The following DISC1 variants were observed in gnomAD, a reference collection of about 807,000 sequenced individuals.
DISC1 encodes DISC1 scaffold protein, also known as disrupted in schizophrenia 1 protein.
Under a neutral mutation model 84.5 loss-of-function variants are expected in DISC1, and 57 were observed. That is an observed-to-expected ratio of 0.67 (90% CI 0.55 to 0.84). DISC1 has a LOEUF of 0.84. DISC1 is among the 40% of genes least tolerant of loss of function. The pLI is 0.00. For synonymous variants in DISC1, 411 were observed against 415.2 expected (o/e 0.99, Z 0.12); for missense variants, 1,000 against 1,057.8 (o/e 0.95, Z 0.76).
intron 9 of DISC1, among the ~76,000 whole-genome samples, chr1:231,899,960 A>AC (rs1465423528): frequency 6.6e-6 from 1 of 152,196 alleles, no homozygotes; most frequent in African/African-American, 2.4e-5. Context: ...GAGACTATAT[A>AC]AGTGATTTCA....
intron 9 of DISC1, among the ~76,000 whole-genome samples, chr1:231,916,940 T>C (rs1031214260): frequency 2.0e-5 from 3 of 152,330 alleles, no homozygotes; most frequent in Non-Finnish European, 4.4e-5. Flanking sequence ...TCTCCAGTTA[T>C]AAACTCTGTT....
At chr1:231,987,475 A>G (rs566840526) in intron 10 of DISC1, among the ~76,000 whole-genome samples, 2 of 152,264 alleles carry the variant, frequency 1.3e-5, no homozygotes, top group African/African-American at 2.4e-5. Flanking sequence ...GATCTTTTAT[A>G]TGCATAAATA....
In DISC1 at chr1:231,727,622, A is replaced by G. The variant is rs555916692; in HGVS notation, c.1118-22304A>G. 6.6e-5 allele frequency among the ~76,000 whole-genome samples: 10 copies of G among 152,286 alleles called. No individual in the cohort carries two copies. The South Asian group carries it at 1.9e-3, about 28-fold the overall frequency. On this transcript the variant is annotated intron_variant, in intron 3 of 12. Coordinates refer to ENST00000439617, the MANE Select transcript of DISC1 (RefSeq NM_018662.3). ...TCTGAATCAAGAAGCAATTAAACCC[A>G]TGACAGCAATCTCTTGGAATCATTT...
At chr1:231,950,747 G>A (rs1263096875) in intron 9 of DISC1, among the ~76,000 whole-genome samples, 2 of 152,176 alleles carry the variant, frequency 1.3e-5, no homozygotes, top group Admixed American at 1.3e-4. Context: ...GGCACAGCAG[G>A]TAAAATCGGT....
chr1:231,665,533 C>G (rs751120359), intron 1 of DISC1, among the ~76,000 whole-genome samples: 1 of 152,340 alleles, frequency 6.6e-6, no homozygotes, highest in East Asian at 1.9e-4. Context: ...TGTAAACTTA[C>G]AATATCAATA....
chr1:231,644,988 A>G (rs1214920209), intron 1 of DISC1, among the ~76,000 whole-genome samples: 1 of 152,050 alleles, frequency 6.6e-6, no homozygotes, highest in Non-Finnish European at 1.5e-5. Context: ...GCCTTTAAAT[A>G]GATTTTCAGC....
chr1:232,003,820 A>G (rs1667009690), intron 10 of DISC1, among the ~76,000 whole-genome samples: 1 of 152,154 alleles, frequency 6.6e-6, no homozygotes, highest in Admixed American at 6.5e-5. Flanking sequence ...ATATCACTAT[A>G]CAGCCCTTGA....
intron 8 of DISC1, 25 bp downstream of exon 8, chr1:231,800,235 G>A: frequency 1.3e-6 from 2 of 1,559,592 alleles, no homozygotes; most frequent in Non-Finnish European, 1.8e-6. Flanking sequence ...AGGAGACGTT[G>A]AAGCTATCCA....
intron 9 of DISC1, among the ~76,000 whole-genome samples, chr1:231,913,779 A>C (rs1388061642): frequency 1.3e-5 from 2 of 152,196 alleles, no homozygotes; most frequent in African/African-American, 4.8e-5. Context: ...TCCGGGTTGC[A>C]GTAGGTGACC....
chr1:231,676,993 C>G (rs192522288), intron 1 of DISC1, among the ~76,000 whole-genome samples: 1 of 152,292 alleles, frequency 6.6e-6, no homozygotes, highest in East Asian at 1.9e-4. Flanking sequence ...CACTTTTCCC[C>G]TTAACCTCTT....
At chr1:231,838,300 C>T (rs1455883625) in intron 9 of DISC1, among the ~76,000 whole-genome samples, 1 of 152,226 alleles carries the variant, frequency 6.6e-6, no homozygotes, top group Non-Finnish European at 1.5e-5. Context: ...AAGCACCCAT[C>T]TATCTGGAAT....
At chr1:231,788,799 G>T (rs1428133813) in intron 6 of DISC1, among the ~76,000 whole-genome samples, 1 of 152,144 alleles carries the variant, frequency 6.6e-6, no homozygotes, top group African/African-American at 2.4e-5. Flanking sequence ...TCCTGAGGGG[G>T]CAGTGGTGGG....
At chr1:231,917,737 G>A (rs2089738161) in intron 9 of DISC1, among the ~76,000 whole-genome samples, 2 of 152,166 alleles carry the variant, frequency 1.3e-5, no homozygotes, top group South Asian at 4.1e-4. Flanking sequence ...GCCCCTCACT[G>A]TTCTTCCCCG....
chr1:232,040,919 T>C lies in DISC1; in HGVS notation c.*4088T>C, dbSNP rs1670758143. 1 of 152,206 alleles carries C rather than the reference T, an allele frequency of 6.6e-6. No individual in the cohort carries two copies. Among genetic ancestry groups the C allele is most frequent in the Non-Finnish European group, 1.5e-5 (1 of 68,042 alleles). 9.4% of individuals were successfully genotyped at this position (152,206 alleles called of 1,614,324 possible). On this transcript the variant is annotated 3_prime_UTR_variant, in exon 13 of 13. Transcript: ENST00000439617. ...TTCTTGAAGATCCTCATCCAATTGG[T>C]GTTTTTCAGAAGTGTTCCAATATTA...
At chr1:231,783,119 G>A (rs2077559753) in intron 6 of DISC1, among the ~76,000 whole-genome samples, 2 of 152,106 alleles carry the variant, frequency 1.3e-5, no homozygotes, top group Non-Finnish European at 2.9e-5. Context: ...CCTGGATGTA[G>A]TATCATTTTC....
chr1:231,976,551 G>C (rs992766967), intron 10 of DISC1, among the ~76,000 whole-genome samples: 2 of 152,164 alleles, frequency 1.3e-5, no homozygotes, highest in Non-Finnish European at 2.9e-5. Flanking sequence ...AACAAACAAG[G>C]AGCATAGACA....
At chr1:232,028,682 G>A (rs539644553) in intron 12 of DISC1, among the ~76,000 whole-genome samples, 1 of 152,250 alleles carries the variant, frequency 6.6e-6, no homozygotes, top group South Asian at 2.1e-4. Flanking sequence ...ATGGGTAAGT[G>A]CATGATTTTA....
At chr1:231,907,893 T>A (rs758563352) in intron 9 of DISC1, among the ~76,000 whole-genome samples, 1 of 152,242 alleles carries the variant, frequency 6.6e-6, no homozygotes, top group Non-Finnish European at 1.5e-5. Context: ...GGTATCTCAT[T>A]GCGGTTTTGA....
intron 10 of DISC1, among the ~76,000 whole-genome samples, chr1:231,995,701 T>C (rs1665855530): frequency 6.6e-6 from 1 of 151,698 alleles, no homozygotes; most frequent in Non-Finnish European, 1.5e-5. Flanking sequence ...TAGTATTCCA[T>C]GGTGTATATG....
Sources: allele counts gnomAD v4.1 joint callset (sites outside exome capture counted in the v4.1 genomes callset), GRCh38; gene constraint gnomAD v4.1.1; transcripts MANE v1.5; gene names NCBI Gene and HGNC (gene_info 2026-07-23, HGNC 2026-07-21).